Variants in EFHD1 observed in about 807,000 individuals in gnomAD.
EFHD1 encodes the protein EF-hand domain-containing protein D1.
EFHD1 carries 10 observed loss-of-function variants against 17.2 expected under a neutral mutation model. The ratio of observed to expected loss-of-function variants is 0.58; its 90% confidence interval spans 0.36 to 0.99. EFHD1 has a LOEUF of 0.99. EFHD1 is among the 50% of genes least tolerant of loss of function. The pLI, the probability that EFHD1 is intolerant of heterozygous loss-of-function variation, is 0.01. For missense variants in EFHD1, 310 were observed against 327.5 expected (o/e 0.95, Z 0.41); for synonymous variants, 153 against 142.0 (o/e 1.08, Z -0.55).
At chr2:232,672,201 A>T in intron 2 of EFHD1, 108 bp from the exon 3 acceptor site, 1 of 1,486,094 alleles carries the variant, frequency 6.7e-7, no homozygotes, top group South Asian at 1.1e-5. Context: ...TGCATACATA[A>T]ACATCTTTCT....
Position 232,667,114 on chromosome 2 carries a change from A to C in EFHD1, c.450+4165A>C. ...CTTGTTCTTGCACTTCCAGCTTCTG[A>C]AACTGTGAGAAAATAAATTTCTGTT... On this transcript the variant is annotated intron_variant, in intron 2 of 3. Coordinates refer to ENST00000264059, the MANE Select transcript of EFHD1 (RefSeq NM_025202.4). 1.3e-5 allele frequency among the ~76,000 whole-genome samples: 2 copies of C among 152,122 alleles called. 1 individual carries two copies. Among genetic ancestry groups the C allele is most frequent in the Non-Finnish European group, 2.9e-5 (2 of 68,036 alleles).
intron 1 of EFHD1, among the ~76,000 whole-genome samples, chr2:232,616,368 G>T (rs1041442998): frequency 1.3e-5 from 2 of 151,692 alleles, no homozygotes; most frequent in Non-Finnish European, 2.9e-5. Flanking sequence ...GCACAATCTC[G>T]GCTCACGGCA....
chr2:232,638,183 G>T, intron 1 of EFHD1: 2 of 355,718 alleles, frequency 5.6e-6, no homozygotes, highest in South Asian at 2.3e-5. Context: ...AGCTGGTGGA[G>T]CAGTCAAGGT....
intron 1 of EFHD1, among the ~76,000 whole-genome samples, chr2:232,645,513 C>T (rs577369732): frequency 4.6e-5 from 7 of 152,334 alleles, no homozygotes; most frequent in South Asian, 2.1e-4. Flanking sequence ...TCTTTGCCCA[C>T]GAGGACCTAG....
At position 232,672,314 on chromosome 2, in the gene EFHD1, G is replaced by C. The variant is rs1695086953; in HGVS notation, c.456G>C (p.Leu152=). 6.2e-7 allele frequency: 1 copy of C among 1,614,014 alleles called. No homozygotes were observed. The highest frequency in any genetic ancestry group is 8.5e-7 in the Non-Finnish European group (1 of 1,180,028). ...CTACTTTCTTTCCCCTGTAGTTCCT[G>C]CTCATTTTCCACAAGGCCGCGGCAG... ...FDGKLSFREF[L]LIFHKAAAGE... The change falls in exon 3 of 4, where the codon CTG becomes CTC. Residue 152 remains leucine (L), a synonymous_variant. Transcript: ENST00000264059.
intron 1 of EFHD1, among the ~76,000 whole-genome samples, chr2:232,647,842 G>C (rs1197396701): frequency 6.6e-6 from 1 of 152,028 alleles, no homozygotes; most frequent in Non-Finnish European, 1.5e-5. Context: ...TCACCAGGTT[G>C]GCCAGGCTGG....
chr2:232,621,866 C>T (rs907501519), intron 1 of EFHD1, among the ~76,000 whole-genome samples: 3 of 152,196 alleles, frequency 2.0e-5, no homozygotes, highest in African/African-American at 7.2e-5. Context: ...TACAATTCCT[C>T]TTCTCACCCC....
At chr2:232,671,316 G>A (rs1443222734) in intron 2 of EFHD1, among the ~76,000 whole-genome samples, 1 of 151,690 alleles carries the variant, frequency 6.6e-6, no homozygotes, top group African/African-American at 2.4e-5. Context: ...GCACACGCCT[G>A]TGGTCCCAGC....
At chr2:232,654,501 A>G (rs892466947) in intron 1 of EFHD1, among the ~76,000 whole-genome samples, 11 of 133,372 alleles carry the variant, frequency 8.2e-5, no homozygotes, top group African/African-American at 3.2e-4. Flanking sequence ...GCTCACTGCT[A>G]CCTCCACCTT....
chr2:232,651,048 T>G (rs1694644286), intron 1 of EFHD1, among the ~76,000 whole-genome samples: 1 of 152,000 alleles, frequency 6.6e-6, no homozygotes, highest in Non-Finnish European at 1.5e-5. Flanking sequence ...GGTGATCATT[T>G]GAAATAAGGA....
At chr2:232,667,445 A>C (rs1021420577) in intron 2 of EFHD1, among the ~76,000 whole-genome samples, 1 of 152,162 alleles carries the variant, frequency 6.6e-6, no homozygotes, top group African/African-American at 2.4e-5. Context: ...TCCAGTCCTA[A>C]GAGCTTTGCC....
At chr2:232,653,492 C>T (rs1166755725) in intron 1 of EFHD1, among the ~76,000 whole-genome samples, 2 of 151,838 alleles carry the variant, frequency 1.3e-5, no homozygotes, top group East Asian at 1.9e-4. Flanking sequence ...GGATTCACCA[C>T]GTTGGCCAGG....
chr2:232,667,639 G>C (rs1003565787), intron 2 of EFHD1, among the ~76,000 whole-genome samples: 1 of 151,852 alleles, frequency 6.6e-6, no homozygotes, highest in Non-Finnish European at 1.5e-5. Flanking sequence ...TGCAACCTCC[G>C]CCTCCCGGGT....
chr2:232,635,551 G>C (rs1203262706), intron 1 of EFHD1, among the ~76,000 whole-genome samples: 2 of 152,192 alleles, frequency 1.3e-5, no homozygotes, highest in Non-Finnish European at 2.9e-5. Flanking sequence ...GGGCACAGTG[G>C]CTTACGGCTG....
intron 3 of EFHD1, among the ~76,000 whole-genome samples, chr2:232,678,550 C>T (rs993330369): frequency 1.3e-5 from 2 of 152,082 alleles, no homozygotes; most frequent in Non-Finnish European, 1.5e-5. Context: ...TTTGGGAGGC[C>T]GAGGCGGTTG....
intron 1 of EFHD1, among the ~76,000 whole-genome samples, chr2:232,628,587 A>C (rs1694147049): frequency 6.6e-6 from 1 of 151,974 alleles, no homozygotes; most frequent in Non-Finnish European, 1.5e-5. Context: ...TTCCCACAGG[A>C]CTCAGAGGCC....
chr2:232,640,804 G>A (rs574648064), intron 1 of EFHD1, among the ~76,000 whole-genome samples: 94 of 152,254 alleles, frequency 6.2e-4, no homozygotes, highest in African/African-American at 2.0e-3. Context: ...GCTCCTGGTC[G>A]TTCTGGGCAC....
At chr2:232,679,266 T>C (rs1695231872) in intron 3 of EFHD1, among the ~76,000 whole-genome samples, 2 of 152,154 alleles carry the variant, frequency 1.3e-5, no homozygotes. Flanking sequence ...ACATCAAAAT[T>C]TTAAATATGT....
intron 3 of EFHD1, among the ~76,000 whole-genome samples, chr2:232,673,711 A>T (rs1695120020): frequency 6.6e-6 from 1 of 151,926 alleles, no homozygotes; most frequent in South Asian, 2.1e-4. Flanking sequence ...TGCTTTTGGT[A>T]AAAGTATAAA....
Sources: allele counts gnomAD v4.1 joint callset (sites outside exome capture counted in the v4.1 genomes callset), GRCh38; gene constraint gnomAD v4.1.1; transcripts MANE v1.5; gene names NCBI Gene and HGNC (gene_info 2026-07-23, HGNC 2026-07-21).